The following ABCG2 variants were observed in gnomAD, a reference collection of about 807,000 sequenced individuals.
ABCG2 encodes the protein broad substrate specificity ATP-binding cassette transporter ABCG2.
Under a neutral mutation model 73.5 loss-of-function variants are expected in ABCG2, and 80 were observed. The observed-to-expected ratio is 1.09, with a 90% CI of 0.91 to 1.31. The LOEUF (loss-of-function observed/expected upper bound fraction) is 1.31, where lower values mean the gene tolerates loss of function less well. ABCG2 is among the 50% of genes most tolerant of loss of function. The probability of loss-of-function intolerance (pLI) is 0.00; values close to 1 mark genes in which losing one functional copy is unlikely to be tolerated. For synonymous variants in ABCG2, 269 were observed against 282.4 expected, an observed-to-expected ratio of 0.95 and a Z score of 0.48; for missense variants, 796 against 786.2, an observed-to-expected ratio of 1.01 and a Z score of -0.15.
At chr4:88,158,651 C>A (rs1727119359), upstream of ABCG2, 2 of 456,156 alleles carry the variant, frequency 4.4e-6, no homozygotes, top group South Asian at 3.1e-5. Flanking sequence ...CCTCTTCCCT[C>A]CTGCGCGCCC....
At chr4:88,169,214 T>G (rs1727661687) in intron 1 of ABCG2, among the ~76,000 whole-genome samples, 1 of 151,846 alleles carries the variant, frequency 6.6e-6, no homozygotes, top group African/African-American at 2.4e-5. Flanking sequence ...CCCGGCTAAT[T>G]TTTGTATTTT....
At chr4:88,095,478 A>G in intron 14 of ABCG2, 42 bp downstream of exon 14, 1 of 1,532,062 alleles carries the variant, frequency 6.5e-7, no homozygotes, top group Non-Finnish European at 9.0e-7. Context: ...CATTGTTCCT[A>G]GCTTGGGAAT....
chr4:88,212,741 C>A (rs1212187369), intron 1 of ABCG2, among the ~76,000 whole-genome samples: 1 of 152,142 alleles, frequency 6.6e-6, no homozygotes, highest in Admixed American at 6.6e-5. Flanking sequence ...CTTGCAAATG[C>A]CCTCAGCTCC....
intron 1 of ABCG2, among the ~76,000 whole-genome samples, chr4:88,211,262 A>AT (rs1052803216): frequency 5.3e-5 from 8 of 151,360 alleles, no homozygotes; most frequent in Admixed American, 4.6e-4. Flanking sequence ...CTTGTTTGTT[A>AT]CATAAGCAGA....
chr4:88,230,345 A>T (rs374897350), intron 1 of ABCG2, among the ~76,000 whole-genome samples: 13 of 89,000 alleles, frequency 1.5e-4, no homozygotes, highest in African/African-American at 4.9e-4. Flanking sequence ...ATATATATAT[A>T]TTTTTTGAGA....
intron 1 of ABCG2, among the ~76,000 whole-genome samples, chr4:88,197,617 A>AAAATT (rs1258629949): frequency 6.6e-6 from 1 of 152,028 alleles, no homozygotes; most frequent in East Asian, 1.9e-4. Context: ...ACCCTGTCTC[A>AAAATT]AAATTAAATT....
intron 1 of ABCG2, among the ~76,000 whole-genome samples, chr4:88,185,277 T>C (rs1413533659): frequency 1.3e-5 from 2 of 152,204 alleles, no homozygotes; most frequent in Non-Finnish European, 2.9e-5. Context: ...GGGAGGAGAA[T>C]TGCTTGAACT....
chr4:88,139,556 T>G (rs1179991259), intron 2 of ABCG2, among the ~76,000 whole-genome samples: 1 of 152,200 alleles, frequency 6.6e-6, no homozygotes, highest in African/African-American at 2.4e-5. Context: ...TCCAGCCACA[T>G]GTGGTGCATT....
intron 1 of ABCG2, among the ~76,000 whole-genome samples, chr4:88,224,014 G>T (rs912878396): frequency 5.3e-5 from 8 of 152,080 alleles, no homozygotes; most frequent in African/African-American, 1.9e-4. Flanking sequence ...TTTCTTTGAA[G>T]AAATGTCTAT....
intron 11 of ABCG2, among the ~76,000 whole-genome samples, chr4:88,100,507 A>C (rs1215635152): frequency 7.4e-6 from 1 of 134,370 alleles, no homozygotes; most frequent in Non-Finnish European, 1.6e-5. Context: ...ACTCTATGTC[A>C]AAAAAAAAAA....
chr4:88,183,821 C>T (rs1728349227), intron 1 of ABCG2, among the ~76,000 whole-genome samples: 1 of 151,344 alleles, frequency 6.6e-6, no homozygotes, highest in Non-Finnish European at 1.5e-5. Flanking sequence ...TAACAAAATA[C>T]TAGCAAATCA....
rs1721639040 is a variant in ABCG2 at position 88,091,415 on chromosome 4, GTCAGAT to G, written c.*813_*818del. 6.6e-6 allele frequency: 1 copy of G among 152,142 alleles called. No homozygotes were observed. The highest frequency in any genetic ancestry group is 2.1e-4 in the South Asian group (1 of 4,828). The allele number at this position is 152,142 out of a possible 1,614,324, so 9.4% of individuals were successfully genotyped here. ...TTGGAAATTACCAAATCCAGGAGTG[GTCAGAT>G]TCCTTTATGAAGGTAGATCTGGAGC... On this transcript the variant is annotated 3_prime_UTR_variant, in exon 16 of 16. Transcript: ENST00000237612.
intron 11 of ABCG2, among the ~76,000 whole-genome samples, chr4:88,100,712 G>C (rs941674909): frequency 6.6e-6 from 1 of 152,210 alleles, no homozygotes; most frequent in African/African-American, 2.4e-5. Context: ...GCTCTTTACT[G>C]TAAGAATGCC....
upstream of ABCG2, chr4:88,159,234 G>A (rs1300462412): frequency 1.1e-5 from 5 of 455,772 alleles, no homozygotes; most frequent in African/African-American, 1.0e-4. Flanking sequence ...TTTGGTCGCC[G>A]TCACTGGCCG....
upstream of ABCG2, chr4:88,163,602 C>T (rs772355466): frequency 1.8e-5 from 3 of 167,172 alleles, no homozygotes; most frequent in African/African-American, 4.8e-5. Flanking sequence ...AGAAAAGCGG[C>T]GAGAAGAAGA....
intron 1 of ABCG2, among the ~76,000 whole-genome samples, chr4:88,140,649 T>TG (rs1725571778): frequency 1.3e-5 from 2 of 152,088 alleles, no homozygotes; most frequent in Non-Finnish European, 2.9e-5. Flanking sequence ...AAAGAAACTC[T>TG]ATTTTTTTTA....
upstream of ABCG2, chr4:88,159,254 A>ATCG (rs1476745970): frequency 1.3e-5 from 6 of 455,512 alleles, no homozygotes; most frequent in Admixed American, 1.4e-4. Flanking sequence ...GGAGCGCCGA[A>ATCG]GCACCGGGGA....
intron 1 of ABCG2, among the ~76,000 whole-genome samples, chr4:88,214,510 C>A (rs951157077): frequency 2.0e-5 from 3 of 152,010 alleles, no homozygotes; most frequent in South Asian, 2.1e-4. Context: ...ATAACTGGAA[C>A]AATATGCCAG....
intron 1 of ABCG2, among the ~76,000 whole-genome samples, chr4:88,220,092 T>A (rs1397217817): frequency 1.3e-5 from 2 of 152,198 alleles, no homozygotes; most frequent in Non-Finnish European, 2.9e-5. Flanking sequence ...TCATGTAGTA[T>A]TTGTCCTTAT....
Sources: gnomAD v4.1 joint callset for allele counts (sites outside exome capture counted in the v4.1 genomes callset) on GRCh38, gnomAD v4.1.1 for gene constraint, MANE v1.5 for transcripts, NCBI Gene and HGNC (gene_info 2026-07-23, HGNC 2026-07-21) for gene names.